The following PPP4R2 variants were observed in gnomAD, a reference collection of about 807,000 sequenced individuals.
The protein encoded by PPP4R2 is protein phosphatase 4 regulatory subunit 2.
PPP4R2 carries 13 observed loss-of-function variants against 47.2 expected under a neutral mutation model. The ratio of observed to expected loss-of-function variants is 0.28; its 90% confidence interval spans 0.18 to 0.44. PPP4R2 has a LOEUF of 0.44. Among genes scored for constraint, PPP4R2 ranks in the 20% least tolerant of loss-of-function variants. The pLI is 1.00. For synonymous variants in PPP4R2, 151 were observed against 163.3 expected, an observed-to-expected ratio of 0.92 and a Z score of 0.57; for missense variants, 421 against 491.2, an observed-to-expected ratio of 0.86 and a Z score of 1.35.
intron 2 of PPP4R2, among the ~76,000 whole-genome samples, chr3:73,013,713 A>G (rs1400968583): frequency 6.6e-6 from 1 of 151,228 alleles, no homozygotes; most frequent in Non-Finnish European, 1.5e-5. Context: ...ACCTCAGCTC[A>G]CTGCAGCCTC....
chr3:72,999,240 G>A (rs1442594124), intron 2 of PPP4R2, among the ~76,000 whole-genome samples: 2 of 152,114 alleles, frequency 1.3e-5, no homozygotes, highest in African/African-American at 4.8e-5. Flanking sequence ...ATTAAAAAAT[G>A]GGACCCTCTG....
At chr3:73,053,052 C>G (rs1262757191) in intron 3 of PPP4R2, among the ~76,000 whole-genome samples, 2 of 152,202 alleles carry the variant, frequency 1.3e-5, no homozygotes, top group East Asian at 3.8e-4. Context: ...GAGAATGGGT[C>G]CTTAGCCGTT....
chr3:73,063,802 A>C, intron 6 of PPP4R2, 55 bp downstream of exon 6: 1 of 1,277,046 alleles, frequency 7.8e-7, no homozygotes, highest in South Asian at 1.2e-5. Context: ...GATTTTGAGT[A>C]GCAGGCTTAG....
chr3:73,004,998 C>T (rs1701574286), intron 2 of PPP4R2, among the ~76,000 whole-genome samples: 2 of 144,114 alleles, frequency 1.4e-5, no homozygotes, highest in South Asian at 2.3e-4. Flanking sequence ...TGTTTTGAGT[C>T]GGAGTCTTGC....
chr3:73,015,087 A>C (rs1275935244), intron 2 of PPP4R2: 1 of 453,080 alleles, frequency 2.2e-6, no homozygotes, highest in Non-Finnish European at 4.0e-6. Context: ...TAGGAAGAAA[A>C]TAAATACTGA....
intron 2 of PPP4R2, among the ~76,000 whole-genome samples, chr3:73,001,447 C>CCAGCTGGGCAAG (rs1217785591): frequency 6.9e-5 from 10 of 144,414 alleles, no homozygotes; most frequent in African/African-American, 2.6e-4. Context: ...GCCTGTAGTC[C>CCAGCTGGGCAAG]CAGCTACTCC....
chr3:73,045,613 C>G (rs893556472), intron 2 of PPP4R2, among the ~76,000 whole-genome samples: 1 of 150,760 alleles, frequency 6.6e-6, no homozygotes, highest in African/African-American at 2.5e-5. Flanking sequence ...ACAACCTCCA[C>G]CTCCTCAGTT....
intron 2 of PPP4R2, among the ~76,000 whole-genome samples, chr3:73,019,187 A>G (rs929825293): frequency 4.3e-4 from 65 of 152,312 alleles, no homozygotes; most frequent in African/African-American, 1.5e-3. Flanking sequence ...GCAATAAGCC[A>G]TATACCATAT....
intron 3 of PPP4R2, among the ~76,000 whole-genome samples, chr3:73,051,205 G>A (rs998506875): frequency 2.0e-5 from 3 of 152,148 alleles, no homozygotes; most frequent in African/African-American, 7.2e-5. Flanking sequence ...ATGAGCCACC[G>A]CACCTGGCCA....
At chr3:73,020,554 C>A (rs537184040) in intron 2 of PPP4R2, among the ~76,000 whole-genome samples, 4 of 151,282 alleles carry the variant, frequency 2.6e-5, no homozygotes, top group African/African-American at 9.7e-5. Flanking sequence ...CCTGTAGTCT[C>A]AGCTACTCAG....
At chr3:73,041,388 T>C (rs1003453114) in intron 2 of PPP4R2, among the ~76,000 whole-genome samples, 1 of 152,282 alleles carries the variant, frequency 6.6e-6, no homozygotes, top group African/African-American at 2.4e-5. Context: ...TTCTTACTTT[T>C]GCAGATCTTT....
intron 2 of PPP4R2, among the ~76,000 whole-genome samples, chr3:73,010,994 A>T (rs935978233): frequency 6.7e-5 from 10 of 148,912 alleles, no homozygotes; most frequent in Non-Finnish European, 1.5e-4. Flanking sequence ...GAGTCTTAGA[A>T]GGCTTAAATA....
At chr3:73,020,872 A>G (rs1418255330) in intron 2 of PPP4R2, among the ~76,000 whole-genome samples, 2 of 151,812 alleles carry the variant, frequency 1.3e-5, no homozygotes, top group Non-Finnish European at 2.9e-5. Context: ...AGAGAGTATA[A>G]GTTCTCAGGT....
At chr3:73,055,027 A>AG (rs928934085) in intron 3 of PPP4R2, among the ~76,000 whole-genome samples, 1 of 152,166 alleles carries the variant, frequency 6.6e-6, no homozygotes, top group Non-Finnish European at 1.5e-5. Context: ...AAAAGTAAAT[A>AG]GGGACAGCTT....
chr3:73,017,644 A>C (rs747543888), intron 2 of PPP4R2, among the ~76,000 whole-genome samples: 1 of 152,110 alleles, frequency 6.6e-6, no homozygotes, highest in Middle Eastern at 3.4e-3. Flanking sequence ...TGTATGCATC[A>C]TATATATGCA....
At chr3:73,060,009 T>C (rs1307794140) in intron 4 of PPP4R2, among the ~76,000 whole-genome samples, 1 of 151,028 alleles carries the variant, frequency 6.6e-6, no homozygotes, top group African/African-American at 2.4e-5. Context: ...AAGTAAGAAA[T>C]TGACTTGTCT....
At chr3:73,062,147 C>A (rs1356135082) in intron 5 of PPP4R2, 2 of 1,547,474 alleles carry the variant, frequency 1.3e-6, no homozygotes, top group Non-Finnish European at 1.7e-6. Flanking sequence ...GGGTCTGTGA[C>A]AGATCTTACA....
chr3:73,018,003 A>G (rs1308018983), intron 2 of PPP4R2, among the ~76,000 whole-genome samples: 2 of 152,164 alleles, frequency 1.3e-5, no homozygotes, highest in Admixed American at 1.3e-4. Context: ...TAGAGATGGT[A>G]AACTGGCTGG....
chr3:73,063,550 G>A, intron 5 of PPP4R2, 123 bp from the exon 6 acceptor site: 2 of 613,782 alleles, frequency 3.3e-6, no homozygotes, highest in Non-Finnish European at 5.9e-6. Context: ...CTTGAACCTG[G>A]GAAGTGGAGG....
Sources: allele counts gnomAD v4.1 joint callset (sites outside exome capture counted in the v4.1 genomes callset), GRCh38; gene constraint gnomAD v4.1.1; transcripts MANE v1.5; gene names NCBI Gene and HGNC (gene_info 2026-07-23, HGNC 2026-07-21).